Variants in PAM observed in about 807,000 individuals in gnomAD.
PAM encodes peptidyl-glycine alpha-amidating monooxygenase.
A neutral mutation model predicts 122.1 loss-of-function variants in PAM; 72 were observed. The observed-to-expected ratio is 0.59, with a 90% CI of 0.49 to 0.72. The LOEUF (loss-of-function observed/expected upper bound fraction) is 0.72, where lower values mean the gene tolerates loss of function less well. Ranked by LOEUF, PAM falls within the 30% of genes least tolerant of loss-of-function variation. The pLI, the probability that PAM is intolerant of heterozygous loss-of-function variation, is 0.00. For synonymous variants in PAM, 389 were observed against 404.4 expected, an observed-to-expected ratio of 0.96 and a Z score of 0.46; for missense variants, 1,106 against 1,183.7, an observed-to-expected ratio of 0.93 and a Z score of 0.96.
At chr5:102,844,358 A>G (rs57464900) in intron 1 of PAM, among the ~76,000 whole-genome samples, 16,831 of 152,170 alleles carry the variant, frequency 0.11, 2,174 homozygotes, top group African/African-American at 0.31. Flanking sequence ...ATCTCTCTGT[A>G]CTATTTCTTC....
At chr5:103,025,450 T>C in intron 24 of PAM, 116 bp downstream of exon 24, 2 of 820,068 alleles carry the variant, frequency 2.4e-6, no homozygotes, top group South Asian at 1.4e-5. Flanking sequence ...TTGTTTTTAA[T>C]GCTCTCTACC....
At position 102,866,127 on chromosome 5, in the gene PAM, C is replaced by T; in HGVS notation, c.-69C>T. Reference sequence around the variant, plus strand: ...TAGCGGCTGCTGGCGGCGCCGCTGCCCAACCGCCAGCCCCAGCCCCGCGCT... The same window carrying T: ...TAGCGGCTGCTGGCGGCGCCGCTGCTCAACCGCCAGCCCCAGCCCCGCGCT... On this transcript the variant is annotated 5_prime_UTR_variant, in exon 2 of 26. Coordinates refer to ENST00000438793, the MANE Select transcript of PAM (RefSeq NM_001177306.2). 8.9e-7 allele frequency: 1 copy of T among 1,120,098 alleles called. No homozygotes were observed. Among genetic ancestry groups the T allele is most frequent in the Non-Finnish European group, 1.3e-6 (1 of 760,696 alleles). The allele number at this position is 1,120,098 out of a possible 1,614,324, so 69.4% of individuals were successfully genotyped here. A position where few individuals can be genotyped will look rare whatever the true frequency, so the allele number is the denominator to read the frequency against.
chr5:102,760,989 A>G (rs1411253686), intron 1 of PAM, among the ~76,000 whole-genome samples: 1 of 152,218 alleles, frequency 6.6e-6, no homozygotes, highest in Non-Finnish European at 1.5e-5. Context: ...GAACTGCTGA[A>G]CACTGTCTTG....
At chr5:102,816,941 C>A (rs543813626) in intron 1 of PAM, among the ~76,000 whole-genome samples, 137 of 152,110 alleles carry the variant, frequency 9.0e-4, no homozygotes, top group Non-Finnish European at 1.6e-3. Context: ...AATAATATGT[C>A]CCAAACTCCT....
intron 3 of PAM, among the ~76,000 whole-genome samples, chr5:102,900,727 C>A (rs1161945471): frequency 1.3e-5 from 2 of 151,416 alleles, no homozygotes; most frequent in Non-Finnish European, 1.5e-5. Context: ...ATCTCATTCT[C>A]CTTAAATTGT....
At chr5:102,944,481 C>T (rs375412357) in intron 7 of PAM, among the ~76,000 whole-genome samples, 1 of 151,974 alleles carries the variant, frequency 6.6e-6, no homozygotes, top group African/African-American at 2.4e-5. Flanking sequence ...AAAGAACAGC[C>T]GTTAGGACTT....
chr5:102,806,123 C>T (rs982723235), intron 1 of PAM, among the ~76,000 whole-genome samples: 1 of 152,158 alleles, frequency 6.6e-6, no homozygotes, highest in Non-Finnish European at 1.5e-5. Context: ...CTGGAAAAGT[C>T]GAAACAAGTG....
At chr5:102,968,747 C>T (rs1764870212) in intron 14 of PAM, among the ~76,000 whole-genome samples, 1 of 152,090 alleles carries the variant, frequency 6.6e-6, no homozygotes, top group Non-Finnish European at 1.5e-5. Flanking sequence ...CCAGAATATA[C>T]CCAAGGATTT....
chr5:103,007,283 A>G (rs1184227985), intron 19 of PAM, among the ~76,000 whole-genome samples, 174 bp from the exon 20 acceptor site: 1 of 152,028 alleles, frequency 6.6e-6, no homozygotes, highest in African/African-American at 2.4e-5. Flanking sequence ...AAAATCTGTA[A>G]TGTATTTGTG....
chr5:102,873,380 A>G (rs1372372344), intron 3 of PAM: 1 of 151,992 alleles, frequency 6.6e-6, no homozygotes, highest in African/African-American at 2.4e-5. Context: ...TATCTATTAT[A>G]CTCTTTTTGA....
intron 1 of PAM, among the ~76,000 whole-genome samples, chr5:102,783,032 G>A (rs1742845095): frequency 7.2e-6 from 1 of 139,414 alleles, no homozygotes; most frequent in African/African-American, 2.8e-5. Context: ...TTCTGTGTGG[G>A]GTTGCAAGGG....
intron 1 of PAM, among the ~76,000 whole-genome samples, chr5:102,859,335 AGTGTGTGTGT>A (rs57728525): frequency 1.6e-4 from 23 of 142,410 alleles, no homozygotes; most frequent in East Asian, 6.1e-4. Context: ...GGCCCAGGCT[AGTGTGTGTGT>A]GTGTGTGTGT....
chr5:102,795,403 C>T (rs1480816804), intron 1 of PAM, among the ~76,000 whole-genome samples: 1 of 152,102 alleles, frequency 6.6e-6, no homozygotes, highest in Non-Finnish European at 1.5e-5. Context: ...TGTCTAACCT[C>T]TAATACTGGT....
chr5:102,884,711 A>G (rs1218954140), intron 3 of PAM, among the ~76,000 whole-genome samples: 2 of 151,906 alleles, frequency 1.3e-5, no homozygotes, highest in Non-Finnish European at 2.9e-5. Context: ...TTCTTTAAGC[A>G]AAAGTGCAGA....
chr5:102,972,814 C>T (rs924482516), intron 14 of PAM, among the ~76,000 whole-genome samples: 2 of 152,142 alleles, frequency 1.3e-5, no homozygotes, highest in Non-Finnish European at 2.9e-5. Context: ...GAGATTGGCC[C>T]TATTACTTGG....
intron 1 of PAM, among the ~76,000 whole-genome samples, chr5:102,814,159 T>G (rs1308117078): frequency 6.6e-6 from 1 of 152,198 alleles, no homozygotes; most frequent in Non-Finnish European, 1.5e-5. Flanking sequence ...TCCCCTTTAG[T>G]ATTTATAAGC....
intron 1 of PAM, among the ~76,000 whole-genome samples, chr5:102,794,618 T>C (rs1762896268): frequency 6.6e-6 from 1 of 152,194 alleles, no homozygotes; most frequent in South Asian, 2.1e-4. Flanking sequence ...GAAACAGTGA[T>C]ATTTATATTT....
intron 1 of PAM, among the ~76,000 whole-genome samples, chr5:102,760,120 G>A (rs1751870168): frequency 6.6e-6 from 1 of 152,194 alleles, no homozygotes; most frequent in Non-Finnish European, 1.5e-5. Flanking sequence ...CATTTGTATG[G>A]TAGATAGTTT....
At position 103,004,492 on chromosome 5, in the gene PAM, G is replaced by A. The variant is rs535496803; in HGVS notation, c.1731-662G>A. On this transcript the variant is annotated intron_variant, in intron 17 of 25. Coordinates refer to ENST00000438793, the MANE Select transcript of PAM (RefSeq NM_001177306.2). ...AAGCTAACAGAGCTATTGGATTGTC[G>A]GATATCATTGGACCAAACCACCTCA... Among the ~76,000 whole-genome samples the A allele has an allele frequency of 3.2e-4, 49 of 152,198 alleles. No individual in the cohort carries two copies. The South Asian group carries it at 8.3e-3, about 26-fold the overall frequency.
Sources: gnomAD v4.1 joint callset for allele counts (sites outside exome capture counted in the v4.1 genomes callset) on GRCh38, gnomAD v4.1.1 for gene constraint, MANE v1.5 for transcripts, NCBI Gene and HGNC (gene_info 2026-07-23, HGNC 2026-07-21) for gene names.